The following GRID1 variants were observed in gnomAD, a reference collection of about 807,000 sequenced individuals.
The protein encoded by GRID1 is glutamate receptor ionotropic, delta-1.
A neutral mutation model predicts 98.0 loss-of-function variants in GRID1; 28 were observed. That is an observed-to-expected ratio of 0.29 (90% CI 0.21 to 0.39). The LOEUF is 0.39. Among genes scored for constraint, GRID1 ranks in the 10% least tolerant of loss-of-function variants. The pLI is 1.00. For missense variants in GRID1, 1,111 were observed against 1,340.5 expected (o/e 0.83, Z 2.67); for synonymous variants, 553 against 538.5 (o/e 1.03, Z -0.37).
At chr10:86,361,218 GGCTGCTGAGCACTGCTCTGCC>G (rs1373747884) in intron 2 of GRID1, among the ~76,000 whole-genome samples, 1 of 152,304 alleles carries the variant, frequency 6.6e-6, no homozygotes, top group Admixed American at 6.5e-5. Context: ...GGGAAAAGGA[GGCTGCTGAGCACTGCTCTGCC>G]CCTCACAGAG....
chr10:85,812,297 GA>G (rs1203719432), intron 8 of GRID1, among the ~76,000 whole-genome samples: 1 of 151,166 alleles, frequency 6.6e-6, no homozygotes. Flanking sequence ...AGGAGAAAGA[GA>G]AAAAAAATCA....
rs1252358123 is a variant in GRID1, at chr10:85,834,106, C to T, written c.1233+20390G>A. Among the ~76,000 whole-genome samples, 4 of 152,096 alleles carry T rather than the reference C, an allele frequency of 2.6e-5. No homozygotes were observed. The East Asian group carries it at 7.7e-4, about 29-fold the overall frequency. On this transcript the variant is annotated intron_variant, in intron 8 of 15. Transcript: ENST00000327946. Reference sequence around the variant, plus strand: ...TAATGATTAGCAGTTTGACAAATTTCGTGGAAGATGTAAACCTGGAAATTC... The same window carrying T: ...TAATGATTAGCAGTTTGACAAATTTTGTGGAAGATGTAAACCTGGAAATTC...
intron 8 of GRID1, among the ~76,000 whole-genome samples, chr10:85,820,003 A>T (rs1372415190): frequency 1.7e-5 from 2 of 116,356 alleles, no homozygotes; most frequent in African/African-American, 8.5e-5. Flanking sequence ...GGAAGGAAGG[A>T]AGGAAGGAAG....
intron 12 of GRID1, among the ~76,000 whole-genome samples, chr10:85,650,678 G>T (rs1843257049): frequency 6.6e-6 from 1 of 152,222 alleles, no homozygotes; most frequent in South Asian, 2.1e-4. Context: ...AGGAGCTAAA[G>T]AAATGCTTCC....
intron 3 of GRID1, among the ~76,000 whole-genome samples, chr10:86,187,784 C>T (rs1299525186): frequency 2.0e-5 from 3 of 152,198 alleles, no homozygotes; most frequent in Admixed American, 1.3e-4. Context: ...CATAAGGCAG[C>T]TACATGGGAG....
chr10:86,092,969 A>G (rs548994085), intron 4 of GRID1, among the ~76,000 whole-genome samples: 209 of 152,322 alleles, frequency 1.4e-3, no homozygotes, highest in Non-Finnish European at 2.5e-3. Context: ...CAAGATAGAC[A>G]ATATGATAGG....
intron 8 of GRID1, among the ~76,000 whole-genome samples, chr10:85,817,289 AG>A (rs1842724536): frequency 6.6e-6 from 1 of 152,088 alleles, no homozygotes. Context: ...GCACTTTGGG[AG>A]GCCAAAGTGA....
chr10:86,037,625 G>T (rs1589346640), intron 4 of GRID1, among the ~76,000 whole-genome samples: 1 of 152,142 alleles, frequency 6.6e-6, no homozygotes, highest in African/African-American at 2.4e-5. Flanking sequence ...CTTTCCCCAG[G>T]GACAGGCCTA....
chr10:86,292,098 A>T (rs1224517004), intron 2 of GRID1, among the ~76,000 whole-genome samples: 2 of 152,200 alleles, frequency 1.3e-5, no homozygotes, highest in African/African-American at 4.8e-5. Flanking sequence ...CCCTCCACAG[A>T]CACCCTCCAG....
intron 2 of GRID1, among the ~76,000 whole-genome samples, chr10:86,227,278 G>T (rs1421265660): frequency 6.6e-6 from 1 of 152,218 alleles, no homozygotes; most frequent in African/African-American, 2.4e-5. Context: ...CCCTTCTGGG[G>T]TGTATGGTGG....
chr10:85,926,565 T>C (rs959368119), intron 4 of GRID1, among the ~76,000 whole-genome samples: 5 of 152,024 alleles, frequency 3.3e-5, no homozygotes, highest in Non-Finnish European at 4.4e-5. Flanking sequence ...ATTTGGCCCT[T>C]ATAGAAGGTA....
chr10:86,264,679 T>C (rs1475043306), intron 2 of GRID1: 1 of 471,538 alleles, frequency 2.1e-6, no homozygotes, highest in Non-Finnish European at 4.4e-6. Flanking sequence ...AGAAGAGCCA[T>C]GTCCCATGCA....
intron 4 of GRID1, among the ~76,000 whole-genome samples, chr10:85,934,493 C>T (rs1219398069): frequency 6.6e-6 from 1 of 151,202 alleles, no homozygotes; most frequent in Non-Finnish European, 1.5e-5. Flanking sequence ...TGACACACCT[C>T]CAGGCTAGCT....
Position 85,849,345 on chromosome 10 carries a change from A to C in GRID1, c.1233+5151T>G, listed in dbSNP as rs572300097. On this transcript the variant is annotated intron_variant, in intron 8 of 15. Coordinates refer to ENST00000327946, the MANE Select transcript of GRID1 (RefSeq NM_017551.3). The stretch of plus-strand genomic sequence containing the variant: ...AGGCTCTCCCAGGGATGCAACATCA[A>C]GGGGGGCATTTGATTCCCATCCAAA... Among the ~76,000 whole-genome samples the C allele has an allele frequency of 4.6e-5, 7 of 152,300 alleles. No individual in the cohort carries two copies. In the East Asian group the frequency reaches 1.4e-3, roughly 29 times the overall value.
intron 4 of GRID1, among the ~76,000 whole-genome samples, chr10:85,949,557 T>C (rs1842092758): frequency 6.6e-6 from 1 of 152,218 alleles, no homozygotes; most frequent in African/African-American, 2.4e-5. Context: ...TTTACAGTGT[T>C]TCCAGGTTTT....
At chr10:85,612,750 TA>T (rs1221420650) in intron 15 of GRID1, among the ~76,000 whole-genome samples, 1 of 151,176 alleles carries the variant, frequency 6.6e-6, no homozygotes, top group Non-Finnish European at 1.5e-5. Flanking sequence ...AAAAAAAATT[TA>T]AAAAAGAGCT....
intron 3 of GRID1, among the ~76,000 whole-genome samples, chr10:86,182,183 G>A (rs573179253): frequency 6.6e-6 from 1 of 152,184 alleles, no homozygotes; most frequent in Non-Finnish European, 1.5e-5. Flanking sequence ...CAGAATTCCA[G>A]GGTCTGCGGG....
At chr10:85,649,839 A>G (rs1229259852) in intron 12 of GRID1, among the ~76,000 whole-genome samples, 1 of 152,104 alleles carries the variant, frequency 6.6e-6, no homozygotes, top group Non-Finnish European at 1.5e-5. Context: ...TTCCCACCCC[A>G]AAATGCCACC....
At chr10:86,204,153 T>C (rs1168222490) in intron 3 of GRID1, among the ~76,000 whole-genome samples, 1 of 152,176 alleles carries the variant, frequency 6.6e-6, no homozygotes, top group Non-Finnish European at 1.5e-5. Context: ...ACCTGTTTCC[T>C]AGCCTACACC....
Sources: gnomAD v4.1 joint callset for allele counts (sites outside exome capture counted in the v4.1 genomes callset) on GRCh38, gnomAD v4.1.1 for gene constraint, MANE v1.5 for transcripts, NCBI Gene and HGNC (gene_info 2026-07-23, HGNC 2026-07-21) for gene names.